The following MACROD2 variants were observed in gnomAD, a reference collection of about 807,000 sequenced individuals.
The protein encoded by MACROD2 is ADP-ribose glycohydrolase MACROD2.
In MACROD2, 36 loss-of-function variants were observed where a neutral mutation model predicts 70.4. The ratio of observed to expected loss-of-function variants is 0.51; its 90% CI spans 0.39 to 0.68. The LOEUF (loss-of-function observed/expected upper bound fraction) is 0.68, where lower values mean the gene tolerates loss of function less well. Among genes scored for constraint, MACROD2 ranks in the 30% least tolerant of loss-of-function variants. The probability of loss-of-function intolerance (pLI) is 0.00; values close to 1 mark genes in which losing one functional copy is unlikely to be tolerated. For synonymous variants in MACROD2, 172 were observed against 178.8 expected, an observed-to-expected ratio of 0.96 and a Z score of 0.30; for missense variants, 496 against 538.4, an observed-to-expected ratio of 0.92 and a Z score of 0.78.
At position 15,401,039 on chromosome 20, in the gene MACROD2, GTTCT is replaced by G. The variant is rs1370721767; in HGVS notation, c.541-30363_541-30360del. On this transcript the variant is annotated intron_variant, in intron 6 of 17. Coordinates refer to ENST00000684519, the MANE Select transcript of MACROD2 (RefSeq NM_001351661.2). ...AGGTAACGGATCTGAAGGGCAGCTT[GTTCT>G]TTTTTTTTTTTTGAGACGGAGTCTT... Among the ~76,000 whole-genome samples the G allele has an allele frequency of 4.8e-5, 7 of 146,952 alleles. No homozygotes were observed. The East Asian group carries it at 1.4e-3, about 29-fold the overall frequency.
chr20:15,708,115 C>T (rs1052372822), intron 8 of MACROD2, among the ~76,000 whole-genome samples: 2 of 151,956 alleles, frequency 1.3e-5, no homozygotes, highest in South Asian at 2.1e-4. Context: ...GATTTGAAAT[C>T]GTTATTTTAC....
At chr20:15,179,896 G>A (rs999956288) in intron 5 of MACROD2, among the ~76,000 whole-genome samples, 1 of 152,148 alleles carries the variant, frequency 6.6e-6, no homozygotes, top group Non-Finnish European at 1.5e-5. Flanking sequence ...AGACCAGATG[G>A]CTTAAACAAT....
At chr20:14,607,701 A>G (rs1982896375) in intron 4 of MACROD2, among the ~76,000 whole-genome samples, 1 of 152,160 alleles carries the variant, frequency 6.6e-6, no homozygotes, top group Non-Finnish European at 1.5e-5. Context: ...ATAACGCTAC[A>G]TGACGGTCAG....
At chr20:14,367,758 G>C (rs1442648613) in intron 3 of MACROD2, among the ~76,000 whole-genome samples, 1 of 85,976 alleles carries the variant, frequency 1.2e-5, no homozygotes, top group Non-Finnish European at 2.5e-5. Context: ...TCTCTTTACA[G>C]TTATTCGTCT....
At chr20:16,033,875 G>A (rs946702005) in intron 15 of MACROD2, among the ~76,000 whole-genome samples, 7 of 151,754 alleles carry the variant, frequency 4.6e-5, no homozygotes, top group African/African-American at 1.7e-4. Context: ...GGGAGAAAGA[G>A]AAAGGGAGAG....
intron 5 of MACROD2, among the ~76,000 whole-genome samples, chr20:14,910,546 G>C (rs1008059755): frequency 3.9e-5 from 6 of 152,158 alleles, no homozygotes; most frequent in African/African-American, 1.2e-4. Flanking sequence ...GCCCGAGAAG[G>C]GGCTGCTGGT....
At chr20:15,911,031 G>T (rs1361125460) in intron 10 of MACROD2, among the ~76,000 whole-genome samples, 1 of 152,116 alleles carries the variant, frequency 6.6e-6, no homozygotes, top group African/African-American at 2.4e-5. Context: ...GGTATAAGTG[G>T]CATACTTCTT....
At chr20:14,676,235 C>A (rs1435485937) in intron 4 of MACROD2, among the ~76,000 whole-genome samples, 1 of 152,188 alleles carries the variant, frequency 6.6e-6, no homozygotes, top group Admixed American at 6.5e-5. Flanking sequence ...TCCAAATCAA[C>A]AGAATATACA....
chr20:14,310,832 A>G (rs2122516874), intron 3 of MACROD2, among the ~76,000 whole-genome samples: 1 of 152,230 alleles, frequency 6.6e-6, no homozygotes, highest in Admixed American at 6.5e-5. Flanking sequence ...AGTCTTTAAG[A>G]AAAAAGTTTA....
intron 8 of MACROD2, among the ~76,000 whole-genome samples, chr20:15,821,023 A>G (rs550015914): frequency 6.6e-6 from 1 of 152,056 alleles, no homozygotes; most frequent in Non-Finnish European, 1.5e-5. Flanking sequence ...TGTGCCATCA[A>G]ATAGATCCAC....
chr20:15,703,058 A>G (rs547167401), intron 8 of MACROD2, among the ~76,000 whole-genome samples: 4 of 152,226 alleles, frequency 2.6e-5, no homozygotes, highest in African/African-American at 9.6e-5. Context: ...CACCCTATTC[A>G]ATAAACGGTG....
intron 8 of MACROD2, among the ~76,000 whole-genome samples, chr20:15,831,467 C>T (rs2147117168): frequency 6.6e-6 from 1 of 152,266 alleles, no homozygotes; most frequent in Middle Eastern, 3.4e-3. Context: ...CCTGGCTTGA[C>T]CCATCCATAA....
intron 7 of MACROD2, among the ~76,000 whole-genome samples, chr20:15,462,565 A>G (rs2046833508): frequency 6.6e-6 from 1 of 152,206 alleles, no homozygotes; most frequent in Admixed American, 6.5e-5. Flanking sequence ...TATTAATATT[A>G]TATTTGGACA....
chr20:14,811,498 A>C (rs1212245986), intron 5 of MACROD2, among the ~76,000 whole-genome samples: 1 of 152,170 alleles, frequency 6.6e-6, no homozygotes, highest in African/African-American at 2.4e-5. Context: ...CCTAGGCAAT[A>C]TCATTCAGGA....
intron 8 of MACROD2, among the ~76,000 whole-genome samples, chr20:15,500,380 A>G (rs890737509): frequency 5.9e-5 from 9 of 152,202 alleles, no homozygotes; most frequent in Admixed American, 5.2e-4. Flanking sequence ...CAGAGTATTC[A>G]TCATCCTCCT....
chr20:15,644,282 C>T (rs1004177441), intron 8 of MACROD2, among the ~76,000 whole-genome samples: 1 of 152,152 alleles, frequency 6.6e-6, no homozygotes, highest in Non-Finnish European at 1.5e-5. Context: ...AAACCTCCCC[C>T]ACTTACCCAG....
At chr20:15,939,652 G>A (rs1292858384) in intron 12 of MACROD2, among the ~76,000 whole-genome samples, 1 of 151,426 alleles carries the variant, frequency 6.6e-6, no homozygotes, top group Non-Finnish European at 1.5e-5. Context: ...AATGTATCAG[G>A]GAGTAATTTT....
At position 15,485,273 on chromosome 20, in the gene MACROD2, G is replaced by A. The variant is rs1013363353; in HGVS notation, c.572-14501G>A. Among the ~76,000 whole-genome samples the A allele has an allele frequency of 3.3e-5, 5 of 151,916 alleles. No individual in the cohort carries two copies. The South Asian group carries it at 8.3e-4, about 25-fold the overall frequency. On this transcript the variant is annotated intron_variant, in intron 7 of 17. Transcript: ENST00000684519. ...ATAAGTGAAATACTGAGCAAACATC[G>A]ACTCGATTTTTCCCTGAGGAATTGC... is the stretch of plus-strand genomic sequence containing the variant.
intron 6 of MACROD2, among the ~76,000 whole-genome samples, chr20:15,374,248 T>G (rs1049615368): frequency 8.6e-5 from 13 of 151,856 alleles, no homozygotes; most frequent in Non-Finnish European, 1.9e-4. Context: ...TAATCACATA[T>G]GATTATAATA....
Sources: gnomAD v4.1 joint callset for allele counts (sites outside exome capture counted in the v4.1 genomes callset) on GRCh38, gnomAD v4.1.1 for gene constraint, MANE v1.5 for transcripts, NCBI Gene and HGNC (gene_info 2026-07-23, HGNC 2026-07-21) for gene names.